IL17B: variants seen among roughly 807,000 people sequenced by gnomAD.
The protein encoded by IL17B is interleukin 17B.
A neutral mutation model predicts 14.7 loss-of-function variants in IL17B; 14 were observed. The observed-to-expected ratio is 0.95, with a 90% confidence interval of 0.63 to 1.49. The LOEUF is 1.49. IL17B is among the 40% of genes most tolerant of loss of function. The pLI is 0.00. For missense variants in IL17B, 233 were observed against 252.8 expected (o/e 0.92, Z 0.53); for synonymous variants, 105 against 94.8 (o/e 1.11, Z -0.62).
intron 1 of IL17B, among the ~76,000 whole-genome samples, chr5:149,385,024 C>T (rs538730237): frequency 6.6e-6 from 1 of 151,696 alleles, no homozygotes; most frequent in African/African-American, 2.4e-5. Context: ...AGCAATTCTC[C>T]TGCCTTAACC....
chr5:149,376,148 G>A lies in IL17B; in HGVS notation c.311+588C>T, dbSNP rs190174422. 3.9e-5 allele frequency among the ~76,000 whole-genome samples: 6 copies of A among 152,330 alleles called. No homozygotes were observed. The East Asian group carries it at 5.8e-4, about 15-fold the overall frequency. ...TGGGTCAGGCACTGAGCAAGGAAGC[G>A]GAGCTACAACCAAGAGAGGACGCTG... is the stretch of plus-strand genomic sequence containing the variant. On this transcript the variant is annotated intron_variant, in intron 2 of 2. Coordinates refer to ENST00000261796, the MANE Select transcript of IL17B (RefSeq NM_014443.3).
At chr5:149,384,220 A>C (rs1758772619), upstream of IL17B, among the ~76,000 whole-genome samples, 1 of 152,184 alleles carries the variant, frequency 6.6e-6, no homozygotes, top group Admixed American at 6.5e-5. Context: ...AAAGCACGGC[A>C]GACTTCAGGC....
intron 1 of IL17B, among the ~76,000 whole-genome samples, chr5:149,401,512 C>T (rs1014856649): frequency 2.5e-4 from 38 of 152,180 alleles, no homozygotes; most frequent in African/African-American, 9.2e-4. Context: ...CAAGACCAGC[C>T]TGGCCAACAT....
chr5:149,380,058 C>G (rs2127618199), upstream of IL17B, among the ~76,000 whole-genome samples: 1 of 152,304 alleles, frequency 6.6e-6, no homozygotes, highest in Admixed American at 6.5e-5. Context: ...CAGCACTCTC[C>G]CTCCTGGGGT....
At chr5:149,402,927 C>T (rs574646483) in intron 1 of IL17B, among the ~76,000 whole-genome samples, 12 of 142,536 alleles carry the variant, frequency 8.4e-5, no homozygotes, top group Middle Eastern at 3.8e-3. Flanking sequence ...CGCTTGAACC[C>T]GGGAGGCAGA....
intron 1 of IL17B, among the ~76,000 whole-genome samples, chr5:149,402,750 T>C (rs1759233014): frequency 2.0e-5 from 3 of 149,260 alleles, no homozygotes; most frequent in Non-Finnish European, 1.5e-5. Flanking sequence ...ATGCCTGTAA[T>C]CTCAGCACTT....
At chr5:149,393,428 C>A (rs1759026308) in intron 1 of IL17B, among the ~76,000 whole-genome samples, 1 of 152,186 alleles carries the variant, frequency 6.6e-6, no homozygotes, top group Non-Finnish European at 1.5e-5. Context: ...AAAGCAAGGA[C>A]TTGGTCTTCA....
At chr5:149,390,220 C>T (rs537389178) in intron 1 of IL17B, among the ~76,000 whole-genome samples, 1 of 147,932 alleles carries the variant, frequency 6.8e-6, no homozygotes. Flanking sequence ...ATTAGTGACC[C>T]CCCCCCTCCC....
chr5:149,383,160 C>G (rs1252003717), upstream of IL17B, among the ~76,000 whole-genome samples: 1 of 152,210 alleles, frequency 6.6e-6, no homozygotes, highest in Non-Finnish European at 1.5e-5. Context: ...TTGTGAGGAT[C>G]AAATGAGATA....
chr5:149,382,277 G>A (rs114668078), upstream of IL17B, among the ~76,000 whole-genome samples: 747 of 152,256 alleles, frequency 4.9e-3, 5 homozygotes, highest in African/African-American at 0.017. Context: ...GAATGACACA[G>A]GCGGTGTCGG....
rs1175543878 is a variant in IL17B, at chr5:149,374,673, C to A, written c.312-73G>T. Reference sequence around the variant, plus strand: ...GCCAGTCAGCACCCATACTCCACACCCCTGCCTTTCCTAATCAGAGTTTTA... The same window carrying A: ...GCCAGTCAGCACCCATACTCCACACACCTGCCTTTCCTAATCAGAGTTTTA... On this transcript the variant is annotated intron_variant, in intron 2 of 2. Transcript: ENST00000261796. This position sits in a 1 kb window ranked among gnomAD's most constrained non-coding sequence, Gnocchi z 5.0. 43 of 1,125,338 alleles carry A rather than the reference C, an allele frequency of 3.8e-5. No individual in the cohort carries two copies. The highest frequency in any genetic ancestry group is 5.1e-5 in the Non-Finnish European group (40 of 783,254). 69.7% of individuals were successfully genotyped at this position (1,125,338 alleles called of 1,614,324 possible). A position where few individuals can be genotyped will look rare whatever the true frequency, so the allele number is the denominator to read the frequency against.
intron 1 of IL17B, among the ~76,000 whole-genome samples, chr5:149,387,368 G>T (rs1275307049): frequency 6.6e-6 from 1 of 152,222 alleles, no homozygotes; most frequent in African/African-American, 2.4e-5. Context: ...CAGCTTCAAG[G>T]TTTATGGCTG....
chr5:149,402,712 C>G (rs374887316), intron 1 of IL17B, among the ~76,000 whole-genome samples: 1 of 130,686 alleles, frequency 7.7e-6, no homozygotes, highest in African/African-American at 3.0e-5. Flanking sequence ...AAAAAAAGAA[C>G]AAAAACTCGT....
At chr5:149,384,891 G>A (rs1197257103) in intron 1 of IL17B, among the ~76,000 whole-genome samples, 1 of 151,686 alleles carries the variant, frequency 6.6e-6, no homozygotes, top group Non-Finnish European at 1.5e-5. Context: ...TGTGTTGTGG[G>A]GTGGAGGGGT....
upstream of IL17B, among the ~76,000 whole-genome samples, chr5:149,380,487 G>C (rs184021727): frequency 7.4e-4 from 113 of 152,224 alleles, no homozygotes; most frequent in African/African-American, 2.4e-3. Context: ...GCTGAGAGAG[G>C]TCTAGGCCTC....
chr5:149,390,561 C>G (rs1005358063), intron 1 of IL17B, among the ~76,000 whole-genome samples: 1 of 142,002 alleles, frequency 7.0e-6, no homozygotes, highest in Non-Finnish European at 1.5e-5. Context: ...TTTTCCAAAT[C>G]TCACAGCACC....
At chr5:149,382,273 C>T (rs1181566252), upstream of IL17B, among the ~76,000 whole-genome samples, 1 of 152,118 alleles carries the variant, frequency 6.6e-6, no homozygotes, top group Non-Finnish European at 1.5e-5. Flanking sequence ...CCAGGAATGA[C>T]ACAGGCGGTG....
chr5:149,385,095 T>G (rs13164030), intron 1 of IL17B, among the ~76,000 whole-genome samples: 83,353 of 151,224 alleles, frequency 0.55, 24,091 homozygotes, highest in African/African-American at 0.73. Flanking sequence ...TGTATTTTTA[T>G]TAGAAACAGG....
chr5:149,395,931 C>T (rs1180390315), intron 1 of IL17B, among the ~76,000 whole-genome samples: 2 of 152,152 alleles, frequency 1.3e-5, no homozygotes, highest in African/African-American at 2.4e-5. Flanking sequence ...CCTCGGCTTC[C>T]CCAGAGTACT....
Sources: gnomAD v4.1 joint callset for allele counts (sites outside exome capture counted in the v4.1 genomes callset) on GRCh38, gnomAD v4.1.1 for gene constraint, Gnocchi (gnomAD v3.1) non-coding constraint, MANE v1.5 for transcripts, NCBI Gene and HGNC (gene_info 2026-07-23, HGNC 2026-07-21) for gene names.